The following CMIP variants were observed in gnomAD, a reference collection of about 807,000 sequenced individuals.
CMIP encodes the protein c-Maf inducing protein, also known as C-Maf-inducing protein.
A neutral mutation model predicts 97.3 loss-of-function variants in CMIP; 13 were observed. That is an observed-to-expected ratio of 0.13 (90% CI 0.09 to 0.21). The LOEUF (loss-of-function observed/expected upper bound fraction) is 0.21. Ranked by LOEUF, CMIP falls within the 10% of genes least tolerant of loss-of-function variation. The probability of loss-of-function intolerance (pLI) is 1.00; values close to 1 mark genes in which losing one functional copy is unlikely to be tolerated. For missense variants in CMIP, 847 were observed against 1,024.9 expected (o/e 0.83, Z 2.37); for synonymous variants, 538 against 436.3 (o/e 1.23, Z -2.91).
At chr16:81,675,808 C>T (rs1904298808) in intron 9 of CMIP, among the ~76,000 whole-genome samples, 2 of 152,194 alleles carry the variant, frequency 1.3e-5, no homozygotes, top group Non-Finnish European at 2.9e-5. Context: ...CTCCTGGTGC[C>T]TGGGACTCTC....
At chr16:81,447,968 C>G (rs1905963826) in intron 1 of CMIP, among the ~76,000 whole-genome samples, 1 of 152,222 alleles carries the variant, frequency 6.6e-6, no homozygotes, top group Non-Finnish European at 1.5e-5. Context: ...TCCCTGAGGC[C>G]TGGACATTAT....
At chr16:81,649,624 C>T (rs890500912) in intron 3 of CMIP, among the ~76,000 whole-genome samples, 4 of 152,216 alleles carry the variant, frequency 2.6e-5, no homozygotes, top group Non-Finnish European at 5.9e-5. Context: ...TTGTGCTTTT[C>T]AGTACAGTTT....
chr16:81,650,632 G>A (rs11150396), intron 3 of CMIP, among the ~76,000 whole-genome samples: 42,901 of 151,992 alleles, frequency 0.28, 6,351 homozygotes, highest in Middle Eastern at 0.35. Context: ...TAGGTTTTAC[G>A]TTTCATCTCC....
At chr16:81,451,421 C>G (rs531442520) in intron 1 of CMIP, among the ~76,000 whole-genome samples, 37 of 152,278 alleles carry the variant, frequency 2.4e-4, no homozygotes, top group African/African-American at 7.0e-4. Flanking sequence ...TGTAAATTGC[C>G]CAGTCTCAGG....
Position 81,652,206 on chromosome 16 carries a change from A to G in CMIP, c.481A>G (p.Lys161Glu). Reference protein sequence around the residue: ...QWFHSLQWKKKIYKYKKVLSN... With the variant: ...QWFHSLQWKKEIYKYKKVLSN... ...TCTCTTTATCTCTTTCAACCAGAAA[A>G]AGATTTACAAATATAAGAAAGTGCT... The change falls in exon 4 of 21, where the codon AAG becomes GAG. Residue 161 changes from lysine to glutamate, a missense_variant. Transcript: ENST00000537098. This position sits in a 1 kb window ranked among gnomAD's most constrained non-coding sequence, Gnocchi z 5.2. The G allele has an allele frequency of 6.2e-7, 1 of 1,611,476 alleles. No homozygotes were observed. The highest frequency in any genetic ancestry group is 8.5e-7 in the Non-Finnish European group (1 of 1,177,928).
intron 1 of CMIP, among the ~76,000 whole-genome samples, chr16:81,539,738 C>T (rs2927319): frequency 7.9e-4 from 121 of 152,362 alleles, no homozygotes; most frequent in African/African-American, 2.7e-3. Context: ...CCTTCACTCA[C>T]TCATTCCTAA....
intron 1 of CMIP, among the ~76,000 whole-genome samples, chr16:81,463,652 A>C (rs79936663): frequency 6.6e-6 from 1 of 152,274 alleles, no homozygotes; most frequent in African/African-American, 2.4e-5. Context: ...TCAGGCACCT[A>C]TGATGTGCCA....
intron 2 of CMIP, chr16:81,617,137 C>T (rs1278477888): frequency 6.6e-6 from 1 of 152,262 alleles, no homozygotes; most frequent in Non-Finnish European, 1.5e-5. Context: ...GCCTACGGGG[C>T]AAACACATCA....
chr16:81,646,586 T>A (rs2092367237), intron 3 of CMIP, among the ~76,000 whole-genome samples: 1 of 152,234 alleles, frequency 6.6e-6, no homozygotes, highest in Admixed American at 6.5e-5. Context: ...CAATTCAGTT[T>A]TAGAGCATTT....
chr16:81,578,602 A>C lies in CMIP; in HGVS notation c.301-28965A>C, dbSNP rs114281007. On this transcript the variant is annotated intron_variant, in intron 1 of 20. Transcript: ENST00000537098. ...CCCCACCCCTTCCTCTGGTCCCTTC[A>C]GTCCATAAAGTATGAAATCTCCATG... Among the ~76,000 whole-genome samples, 998 of 152,302 alleles carry C rather than the reference A, an allele frequency of 6.6e-3. 13 individuals carry two copies. The highest frequency in any genetic ancestry group is 0.023 in the African/African-American group (945 of 41,550).
chr16:81,605,115 G>A (rs1217438924), intron 1 of CMIP, among the ~76,000 whole-genome samples: 7 of 152,200 alleles, frequency 4.6e-5, no homozygotes, highest in African/African-American at 1.7e-4. Flanking sequence ...TTCTCCGGCA[G>A]TGCTCAGGAC....
chr16:81,509,391 A>G (rs1478221680), intron 1 of CMIP, among the ~76,000 whole-genome samples: 2 of 152,216 alleles, frequency 1.3e-5, no homozygotes, highest in East Asian at 3.9e-4. Context: ...CTAGCTCGGC[A>G]TAACACATTG....
At chr16:81,625,305 G>A (rs2150965618) in intron 3 of CMIP, among the ~76,000 whole-genome samples, 1 of 152,392 alleles carries the variant, frequency 6.6e-6, no homozygotes, top group Non-Finnish European at 1.5e-5. Flanking sequence ...CCCTGGGGAG[G>A]CCAGCCCTGT....
chr16:81,629,553 C>T (rs531783867), intron 3 of CMIP, among the ~76,000 whole-genome samples: 1 of 152,350 alleles, frequency 6.6e-6, no homozygotes, highest in Admixed American at 6.5e-5. Context: ...CACCTTCCTC[C>T]CTCTCTGTCT....
chr16:81,679,589 CTA>C (rs1055752552), intron 10 of CMIP, among the ~76,000 whole-genome samples: 9 of 151,742 alleles, frequency 5.9e-5, no homozygotes, highest in African/African-American at 2.4e-5. Flanking sequence ...GCCTGGGTGT[CTA>C]TGTGTGCACA....
chr16:81,484,215 G>A (rs960883087), intron 1 of CMIP, among the ~76,000 whole-genome samples: 10 of 152,290 alleles, frequency 6.6e-5, no homozygotes, highest in Admixed American at 3.3e-4. Context: ...GACCTCGCCC[G>A]TTCCCATTCC....
rs766856974 is a variant in CMIP at position 81,657,855 on chromosome 16, G to A, written c.681+39G>A. The A allele has an allele frequency of 2.0e-5, 31 of 1,522,152 alleles. No individual in the cohort carries two copies. The South Asian group carries it at 2.5e-4, about 12-fold the overall frequency. 94.3% of individuals were successfully genotyped at this position (1,522,152 alleles called of 1,614,324 possible). ...GAACACGCTCCCTCCACCCACCTCC[G>A]CCTCCTGGAGCCTACAACCCTTTTC... On this transcript the variant is annotated intron_variant, in intron 5 of 20. Coordinates refer to ENST00000537098, the MANE Select transcript of CMIP (RefSeq NM_198390.3).
Position 81,705,592 on chromosome 16 carries a change from C to T in CMIP, c.2185C>T (p.Leu729=). Residue 729 remains leucine, a synonymous_variant, in exon 19 of 21, where the codon CTG becomes TTG. Coordinates refer to ENST00000537098, the MANE Select transcript of CMIP (RefSeq NM_198390.3). ...CETPVTDAGL[L]ALSSMKSLCS... ...GACCCCGGTCACAGACGCTGGCCTG[C>T]TGGCCCTGAGCTGTGAGTGCCTCCG... 3.1e-6 allele frequency: 5 copies of T among 1,601,498 alleles called. No individual in the cohort carries two copies. The highest frequency in any genetic ancestry group is 4.3e-6 in the Non-Finnish European group (5 of 1,175,408).
chr16:81,544,898 C>G (rs2090516643), intron 1 of CMIP, among the ~76,000 whole-genome samples: 1 of 152,070 alleles, frequency 6.6e-6, no homozygotes, highest in African/African-American at 2.4e-5. Context: ...ACTTAAAACC[C>G]TTCTGTTGTC....
Sources: allele counts gnomAD v4.1 joint callset (sites outside exome capture counted in the v4.1 genomes callset), GRCh38; gene constraint gnomAD v4.1.1; non-coding constraint Gnocchi (gnomAD v3.1); transcripts MANE v1.5; gene names NCBI Gene and HGNC (gene_info 2026-07-23, HGNC 2026-07-21).